The following MZB1 variants were observed in gnomAD, a reference collection of about 807,000 sequenced individuals.
MZB1 encodes marginal zone B- and B1-cell-specific protein.
A neutral mutation model predicts 17.2 loss-of-function variants in MZB1; 10 were observed. The ratio of observed to expected loss-of-function variants is 0.58; its 90% CI spans 0.36 to 0.98. The LOEUF is 0.98. Ranked by LOEUF, MZB1 falls within the 50% of genes least tolerant of loss-of-function variation. The pLI is 0.01. For synonymous variants in MZB1, 99 were observed against 98.7 expected (o/e 1.00, Z -0.02); for missense variants, 246 against 237.5 (o/e 1.04, Z -0.23).
In MZB1 at chr5:139,388,087, G is replaced by T; in HGVS notation, c.347C>A (p.Pro116Gln). 1 of 1,552,538 alleles carries T rather than the reference G, an allele frequency of 6.4e-7. No homozygotes were observed. The highest frequency in any genetic ancestry group is 8.7e-7 in the Non-Finnish European group (1 of 1,147,786). The change falls in exon 3 of 4, where the codon CCA (proline) becomes CAA (glutamine). Residue 116 changes from proline to glutamine, a missense_variant. Coordinates refer to ENST00000302125, the MANE Select transcript of MZB1 (RefSeq NM_016459.4). ...EVDQVKRLTGPGLSEGPEPSI... is the reference protein window; with the variant it reads ...EVDQVKRLTGQGLSEGPEPSI... Reference sequence around the variant, plus strand: ...TGGCTCTGGCCCCTCGCTAAGTCCTGGGCCTGTGAGACGTTTCACTTGGTC... The same window carrying T: ...TGGCTCTGGCCCCTCGCTAAGTCCTTGGCCTGTGAGACGTTTCACTTGGTC...
chr5:139,388,227 T>C, intron 2 of MZB1, 96 bp from the exon 3 acceptor site: 1 of 1,275,430 alleles, frequency 7.8e-7, no homozygotes, highest in Non-Finnish European at 1.1e-6. Flanking sequence ...TGGGCATTTG[T>C]GGAATTCAGA....
At chr5:139,388,637 G>T in intron 1 of MZB1, 52 bp from the exon 2 acceptor site, 2 of 1,586,696 alleles carry the variant, frequency 1.3e-6, no homozygotes, top group Non-Finnish European at 8.6e-7. Context: ...TGCTCAGTTA[G>T]GGGGAGGTGG....
In MZB1 at chr5:139,389,596, C is replaced by T. The variant is rs1024955767; in HGVS notation, c.177+84G>A. 102 of 1,459,666 alleles carry T rather than the reference C, an allele frequency of 7.0e-5. 1 individual carries two copies. Among genetic ancestry groups the T allele is most frequent in the Middle Eastern group, 1.8e-4 (1 of 5,708 alleles). 90.4% of individuals were successfully genotyped at this position (1,459,666 alleles called of 1,614,324 possible). ...GTGGTAGGGATTGGGGATCAAAGGC[C>T]GGTGGTGGAATGTGAGGTGGGTGGA... On this transcript the variant is annotated intron_variant, in intron 1 of 3. Coordinates refer to ENST00000302125, the MANE Select transcript of MZB1 (RefSeq NM_016459.4).
chr5:139,389,807 A>C lies in MZB1; in HGVS notation c.50T>G (p.Ile17Ser). The change falls in exon 1 of 4, where the codon ATC becomes AGC. Residue 17 changes from isoleucine (I) to serine (S), a missense_variant. Transcript: ENST00000302125. Reference protein sequence around the residue: ...LLLLLLGAWAIPGGLGDRAPL... With the variant: ...LLLLLLGAWASPGGLGDRAPL... The stretch of plus-strand genomic sequence containing the variant: ...CGCCCTGTCCCCGAGGCCCCCTGGG[A>C]TGGCCCAGGCTCCCAGCAGCAGCAG... 2 of 1,550,662 alleles carry C rather than the reference A, an allele frequency of 1.3e-6. No homozygotes were observed. The highest frequency in any genetic ancestry group is 1.7e-6 in the Non-Finnish European group (2 of 1,147,122).
intron 2 of MZB1, 60 bp downstream of exon 2, chr5:139,388,401 T>A: frequency 6.6e-7 from 1 of 1,521,782 alleles, no homozygotes; most frequent in Non-Finnish European, 8.9e-7. Context: ...TGAGTGGGAA[T>A]CTCCACCCAC....
chr5:139,389,415 A>G (rs1319916208), intron 1 of MZB1: 1 of 664,316 alleles, frequency 1.5e-6, no homozygotes, highest in African/African-American at 1.8e-5. Context: ...GGACTCAAGG[A>G]TGGGCCTGGA....
Position 139,388,142 on chromosome 5 carries a change from TGGAGA to T in MZB1, c.303-16_303-12del, listed in dbSNP as rs1362023863. Reference sequence around the variant, plus strand: ...TCTCGAACTCCGTAGCTGGTGGCAGTGGAGAGGAGAGGAGTACAGTTTTGGCAGGA... The same window carrying T: ...TCTCGAACTCCGTAGCTGGTGGCAGTGGAGAGGAGTACAGTTTTGGCAGGA... On this transcript the variant is annotated splice_polypyrimidine_tract_variant and intron_variant, in intron 2 of 3. Coordinates refer to ENST00000302125, the MANE Select transcript of MZB1 (RefSeq NM_016459.4). The T allele has an allele frequency of 1.3e-6, 2 of 1,549,206 alleles. No individual in the cohort carries two copies. Among genetic ancestry groups the T allele is most frequent in the East Asian group, 4.9e-5 (2 of 40,920 alleles).
At position 139,387,922 on chromosome 5, in the gene MZB1, C is replaced by A. The variant is rs781070998; in HGVS notation, c.414-1G>T. The A allele has an allele frequency of 6.3e-7, 1 of 1,577,928 alleles. No homozygotes were observed. The highest frequency in any genetic ancestry group is 8.6e-7 in the Non-Finnish European group (1 of 1,165,566). The stretch of plus-strand genomic sequence containing the variant: ...GTAGTGCAAACATGTCCTGGAGAGC[C>A]TAGGGGAGCCCAGCAGGAGCCTCAG... On this transcript the variant is annotated splice_acceptor_variant, in intron 3 of 3. Transcript: ENST00000302125. LOFTEE classifies it high-confidence loss of function.
chr5:139,389,365 C>T (rs1295802433), intron 1 of MZB1: 1 of 583,410 alleles, frequency 1.7e-6, no homozygotes, highest in Non-Finnish European at 3.2e-6. Flanking sequence ...ACCATGTACA[C>T]ATAGCCAAAG....
intron 1 of MZB1, chr5:139,389,407 A>C: frequency 1.5e-6 from 1 of 654,532 alleles, no homozygotes; most frequent in Non-Finnish European, 2.8e-6. Context: ...GGGAGTCCGG[A>C]CTCAAGGATG....
rs375343363 is a variant in MZB1 at position 139,389,712 on chromosome 5, G to A, written c.145C>T (p.Arg49Cys). Residue 49 changes from arginine to cysteine, a missense_variant, in exon 1 of 4, where the codon CGC (arginine) becomes TGC (cysteine). Transcript: ENST00000302125. ...MYSAHMPAHL[R>C]CDACRAVAYQ... ...GCCACAGCTCTGCAGGCATCACAGC[G>A]CAGGTGAGCGGGCATGTGGGCTGAG... is the stretch of plus-strand genomic sequence containing the variant. 1.5e-5 allele frequency: 24 copies of A among 1,583,956 alleles called. No individual in the cohort carries two copies. The highest frequency in any genetic ancestry group is 2.0e-5 in the Non-Finnish European group (23 of 1,165,510).
Position 139,387,627 on chromosome 5 carries a change from G to C in MZB1, c.*138C>G, listed in dbSNP as rs1758536698. The C allele has an allele frequency of 9.1e-7, 1 of 1,096,286 alleles. No individual in the cohort carries two copies. The highest frequency in any genetic ancestry group is 1.2e-6 in the Non-Finnish European group (1 of 814,116). 67.9% of individuals were successfully genotyped at this position (1,096,286 alleles called of 1,614,324 possible). On this transcript the variant is annotated 3_prime_UTR_variant, in exon 4 of 4. Transcript: ENST00000302125. ...AAGGCGTTGACTCCCACCCAGGCCC[G>C]AGTGCCCTGAGGCTGGAGGAGGGAG...
At chr5:139,389,240 T>A (rs1310833846) in intron 1 of MZB1, 1 of 338,712 alleles carries the variant, frequency 3.0e-6, no homozygotes, top group Non-Finnish European at 5.8e-6. Context: ...ATCACACAAG[T>A]ACTCCCAGGC....
chr5:139,388,695 C>A, intron 1 of MZB1, 110 bp from the exon 2 acceptor site: 1 of 1,493,494 alleles, frequency 6.7e-7, no homozygotes, highest in Non-Finnish European at 8.9e-7. Context: ...GCAAGAGAGC[C>A]GTTTGAGCAG....
Position 139,389,820 on chromosome 5 carries a change from CCAGCAG to C in MZB1, c.31_36del (p.Leu11_Leu12del). The C allele has an allele frequency of 1.3e-6, 2 of 1,548,188 alleles. No homozygotes were observed. Among genetic ancestry groups the C allele is most frequent in the Non-Finnish European group, 1.7e-6 (2 of 1,146,268 alleles). On this transcript the variant is annotated inframe_deletion, in exon 1 of 4. Coordinates refer to ENST00000302125, the MANE Select transcript of MZB1 (RefSeq NM_016459.4). The stretch of plus-strand genomic sequence containing the variant: ...AGGCCCCCTGGGATGGCCCAGGCTC[CCAGCAG>C]CAGCAGCAGCAGTGGCAGTGACAGC...
Position 139,387,498 on chromosome 5 carries a change from A to C in MZB1, c.*267T>G. ...TTGAGAGTTTTTTTTTTTTTTTCAC[A>C]AGGGACATCAGCAGAAACACCAATG... On this transcript the variant is annotated 3_prime_UTR_variant, in exon 4 of 4. Coordinates refer to ENST00000302125, the MANE Select transcript of MZB1 (RefSeq NM_016459.4). 1.3e-5 allele frequency: 4 copies of C among 314,680 alleles called. No individual in the cohort carries two copies. The highest frequency in any genetic ancestry group is 2.3e-5 in the Non-Finnish European group (4 of 173,796). 19.5% of individuals were successfully genotyped at this position (314,680 alleles called of 1,614,324 possible). A position where few individuals can be genotyped will look rare whatever the true frequency, so the allele number is the denominator to read the frequency against.
At chr5:139,389,171 C>G (rs1439735622) in intron 1 of MZB1, 1 of 295,236 alleles carries the variant, frequency 3.4e-6, no homozygotes, top group African/African-American at 2.2e-5. Context: ...CGCGCCCGGC[C>G]GGCACGTGCC....
chr5:139,387,855 T>G lies in MZB1; in HGVS notation c.480A>C (p.Gln160His). The G allele has an allele frequency of 1.2e-6, 2 of 1,606,972 alleles. No individual in the cohort carries two copies. Among genetic ancestry groups the G allele is most frequent in the Non-Finnish European group, 1.7e-6 (2 of 1,177,146 alleles). ...ATGCCTCCAGAGCCCCTCGGCCTTG[T>G]TGGTGGGCTTCATAGATCTGGTCTT... ...FGEDQIYEAH[Q>H]QGRGALEALL... The change falls in exon 4 of 4, where the codon CAA (glutamine) becomes CAC (histidine). Residue 160 changes from glutamine to histidine, a missense_variant. Coordinates refer to ENST00000302125, the MANE Select transcript of MZB1 (RefSeq NM_016459.4).
intron 1 of MZB1, 120 bp downstream of exon 1, chr5:139,389,560 C>T (rs1758574687): frequency 8.2e-7 from 1 of 1,217,646 alleles, no homozygotes; most frequent in South Asian, 1.4e-5. Context: ...GCATCTGTGG[C>T]TTGATGCCCA....
Sources: allele counts gnomAD v4.1 joint callset, GRCh38; gene constraint gnomAD v4.1.1; transcripts MANE v1.5; gene names NCBI Gene and HGNC (gene_info 2026-07-23, HGNC 2026-07-21).